The following F3 variants were observed in gnomAD, a reference collection of about 807,000 sequenced individuals.
F3 encodes tissue factor.
In F3, 18 loss-of-function variants were observed where a neutral mutation model predicts 33.5. The observed-to-expected ratio is 0.54, with a 90% CI of 0.37 to 0.80. The LOEUF (loss-of-function observed/expected upper bound fraction) is 0.80, where lower values mean the gene tolerates loss of function less well. F3 is among the 30% of genes least tolerant of loss of function. The probability of loss-of-function intolerance (pLI) is 0.00; values close to 1 mark genes in which losing one functional copy is unlikely to be tolerated. For synonymous variants in F3, 147 were observed against 140.7 expected (o/e 1.05, Z -0.32); for missense variants, 353 against 362.1 (o/e 0.97, Z 0.20).
At chr1:94,539,721 G>C (rs905923192) in intron 2 of F3, among the ~76,000 whole-genome samples, 3 of 152,148 alleles carry the variant, frequency 2.0e-5, no homozygotes, top group Non-Finnish European at 4.4e-5. Context: ...GAGTATTTCT[G>C]CTCTGCCAGG....
intron 2 of F3, among the ~76,000 whole-genome samples, chr1:94,539,509 T>C (rs1651706787): frequency 6.6e-6 from 1 of 152,208 alleles, no homozygotes; most frequent in South Asian, 2.1e-4. Flanking sequence ...ACAGCAGCTA[T>C]TCTCTATTTC....
chr1:94,536,847 T>C (rs1651624270), intron 2 of F3, among the ~76,000 whole-genome samples: 1 of 152,178 alleles, frequency 6.6e-6, no homozygotes, highest in Non-Finnish European at 1.5e-5. Context: ...CTATTAATAA[T>C]ATTATTAATC....
chr1:94,539,118 T>TA (rs1241039714), intron 2 of F3, among the ~76,000 whole-genome samples: 1 of 152,182 alleles, frequency 6.6e-6, no homozygotes, highest in African/African-American at 2.4e-5. Flanking sequence ...TTTACTAAGG[T>TA]AAACTTCAGG....
Position 94,529,206 on chromosome 1 carries a change from A to C in F3, c.*1254T>G, listed in dbSNP as rs889391619. 6.5e-6 allele frequency: 1 copy of C among 152,672 alleles called. No individual in the cohort carries two copies. Among genetic ancestry groups the C allele is most frequent in the African/African-American group, 2.4e-5 (1 of 41,474 alleles). 9.5% of individuals were successfully genotyped at this position (152,672 alleles called of 1,614,324 possible). On this transcript the variant is annotated 3_prime_UTR_variant, in exon 6 of 6. Transcript: ENST00000334047. ...CCAAAATGTATTATAAGCGAAAAAG[A>C]TACGTTGTTGTAAGCCACTGACAAT...
Position 94,533,226 on chromosome 1 carries a change from C to A in F3, c.455G>T (p.Gly152Val). Residue 152 changes from glycine to valine, a missense_variant, in exon 4 of 6, where the codon GGA (glycine) becomes GTA (valine). Gly to Val is a moderately radical substitution (Grantham distance 109). Coordinates refer to ENST00000334047, the MANE Select transcript of F3 (RefSeq NM_001993.5). ...QPTIQSFEQV[G>V]TKVNVTVEDE... ...TTCTACGGTCACATTCACTTTTGTT[C>A]CCACCTGTTCAAAACTCTGAATTGT... 1 of 1,613,572 alleles carries A rather than the reference C, an allele frequency of 6.2e-7. No individual in the cohort carries two copies. Among genetic ancestry groups the A allele is most frequent in the East Asian group, 2.2e-5 (1 of 44,878 alleles).
At chr1:94,530,853 G>A (rs1458865689) in intron 5 of F3, among the ~76,000 whole-genome samples, 1 of 152,218 alleles carries the variant, frequency 6.6e-6, no homozygotes, top group Non-Finnish European at 1.5e-5. Flanking sequence ...TATGTAGTTG[G>A]AGGTAAGAAC....
chr1:94,534,093 C>T (rs994427844), intron 3 of F3, among the ~76,000 whole-genome samples: 24 of 152,110 alleles, frequency 1.6e-4, no homozygotes, highest in African/African-American at 5.8e-4. Flanking sequence ...TCTTGAACTC[C>T]TGACCTCAAG....
chr1:94,530,983 G>A (rs1651406244), intron 5 of F3, among the ~76,000 whole-genome samples: 1 of 152,224 alleles, frequency 6.6e-6, no homozygotes, highest in South Asian at 2.1e-4. Flanking sequence ...GGGTGAAGAA[G>A]AGATAGTAAC....
In F3 at chr1:94,529,394, CATAA is replaced by C. The variant is rs970708565; in HGVS notation, c.*1062_*1065del. On this transcript the variant is annotated 3_prime_UTR_variant, in exon 6 of 6. Transcript: ENST00000334047. ...TATACAAATAGAACAATATTACCTACATAAATAGAAAATCCCCATATAGAAAACC... is the reference window on the plus strand; with the variant it reads ...TATACAAATAGAACAATATTACCTACATAGAAAATCCCCATATAGAAAACC... 1 of 152,442 alleles carries C rather than the reference CATAA, an allele frequency of 6.6e-6. No homozygotes were observed. Among genetic ancestry groups the C allele is most frequent in the Non-Finnish European group, 1.5e-5 (1 of 68,014 alleles). 9.4% of individuals were successfully genotyped at this position (152,442 alleles called of 1,614,324 possible).
Position 94,541,534 on chromosome 1 carries a change from C to G in F3, c.100+3G>C, listed in dbSNP as rs1357255664. The G allele has an allele frequency of 1.3e-6, 2 of 1,489,596 alleles. No individual in the cohort carries two copies. Among genetic ancestry groups the G allele is most frequent in the Non-Finnish European group, 1.8e-6 (2 of 1,120,726 alleles). The allele number at this position is 1,489,596 out of a possible 1,614,324, so 92.3% of individuals were successfully genotyped here. ...CGGGCTTCCAGGGGCTGGTGCCACT[C>G]ACCTGAAGCGCCGGCCACCTGGGCG... On this transcript the variant is annotated splice_donor_region_variant and intron_variant, in intron 1 of 5. Coordinates refer to ENST00000334047, the MANE Select transcript of F3 (RefSeq NM_001993.5).
chr1:94,533,073 A>C lies in F3; in HGVS notation c.591+17T>G. The C allele has an allele frequency of 6.2e-7, 1 of 1,605,926 alleles. No homozygotes were observed. Among genetic ancestry groups the C allele is most frequent in the Non-Finnish European group, 8.5e-7 (1 of 1,177,666 alleles). ...CAATTTAAAACAGGTCATAAAAACAAATTAAAAAATGCTCACCTTTCCTGA... is the reference window on the plus strand; with the variant it reads ...CAATTTAAAACAGGTCATAAAAACACATTAAAAAATGCTCACCTTTCCTGA... On this transcript the variant is annotated intron_variant, in intron 4 of 5. Coordinates refer to ENST00000334047, the MANE Select transcript of F3 (RefSeq NM_001993.5).
intron 1 of F3, 92 bp downstream of exon 1, chr1:94,541,444 CG>C: frequency 9.7e-7 from 1 of 1,035,458 alleles, no homozygotes; most frequent in Non-Finnish European, 1.3e-6. Context: ...ATGGGCGCCC[CG>C]GGGAACCAGG....
chr1:94,536,223 G>A, intron 2 of F3, 59 bp from the exon 3 acceptor site: 1 of 1,473,924 alleles, frequency 6.8e-7, no homozygotes, highest in South Asian at 1.1e-5. Flanking sequence ...CACCCAACAA[G>A]ATAGACTGCT....
Position 94,540,254 on chromosome 1 carries a change from T to TAA in F3, c.212+2_212+3insTT. 1 of 1,594,208 alleles carries TAA rather than the reference T, an allele frequency of 6.3e-7. No individual in the cohort carries two copies. The highest frequency in any genetic ancestry group is 1.1e-5 in the South Asian group (1 of 90,498). ...TAATTTTCTTTTTCTGTACCCAGCT[T>TAA]ACCTTATTTGAACAGTGTAGACTTG... On this transcript the variant is annotated splice_region_variant and intron_variant, in intron 2 of 5. Coordinates refer to ENST00000334047, the MANE Select transcript of F3 (RefSeq NM_001993.5).
chr1:94,536,305 A>T, intron 2 of F3, 141 bp from the exon 3 acceptor site: 1 of 735,732 alleles, frequency 1.4e-6, no homozygotes. Context: ...CACTGTGCTG[A>T]GCACTTTGCT....
intron 2 of F3, 69 bp downstream of exon 2, chr1:94,540,188 C>T (rs1651731019): frequency 1.0e-6 from 1 of 977,392 alleles, no homozygotes. Flanking sequence ...GCTTTAAAGA[C>T]ATTCTTGTTC....
chr1:94,539,455 T>C (rs1168642462), intron 2 of F3, among the ~76,000 whole-genome samples: 1 of 152,264 alleles, frequency 6.6e-6, no homozygotes, highest in African/African-American at 2.4e-5. Flanking sequence ...TTTTAGCTAG[T>C]GCTACTTTTG....
intron 2 of F3, among the ~76,000 whole-genome samples, chr1:94,538,457 G>C (rs955605692): frequency 3.3e-5 from 5 of 152,220 alleles, no homozygotes; most frequent in African/African-American, 7.2e-5. Context: ...GGAGGGAAGA[G>C]GGGCAGCTGC....
rs993157186 is a variant in F3 at position 94,532,434 on chromosome 1, T to C, written c.638A>G (p.Lys213Arg). The C allele has an allele frequency of 1.9e-6, 3 of 1,614,194 alleles. No individual in the cohort carries two copies. Among genetic ancestry groups the C allele is most frequent in the Non-Finnish European group, 2.5e-6 (3 of 1,180,040 alleles). Residue 213 changes from lysine to arginine, a missense_variant, in exon 5 of 6, where the codon AAA becomes AGA. Lys to Arg is a conservative substitution (Grantham distance 26). Transcript: ENST00000334047. ...AACACTGAAACAGTAGTTTTCTCCT[T>C]TATCCACATCAATCAAAAACTCATT... Reference protein sequence around the residue: ...NTNEFLIDVDKGENYCFSVQA... With the variant: ...NTNEFLIDVDRGENYCFSVQA...
Sources: allele counts gnomAD v4.1 joint callset (sites outside exome capture counted in the v4.1 genomes callset), GRCh38; gene constraint gnomAD v4.1.1; transcripts MANE v1.5; gene names NCBI Gene and HGNC (gene_info 2026-07-23, HGNC 2026-07-21).